Variants in HIPK3 observed in about 807,000 individuals in gnomAD.
HIPK3 encodes the protein homeodomain-interacting protein kinase 3.
In HIPK3, 47 loss-of-function variants were observed where a neutral mutation model predicts 124.2. That is an observed-to-expected ratio of 0.38 (90% CI 0.30 to 0.48). HIPK3 has a LOEUF of 0.48. Ranked by LOEUF, HIPK3 falls within the 20% of genes least tolerant of loss-of-function variation. HIPK3 has a pLI of 0.98. For synonymous variants in HIPK3, 482 were observed against 515.2 expected, an observed-to-expected ratio of 0.94 and a Z score of 0.87; for missense variants, 1,286 against 1,454.3, an observed-to-expected ratio of 0.88 and a Z score of 1.88.
chr11:33,266,701 G>T (rs1286084050), intron 1 of HIPK3, among the ~76,000 whole-genome samples: 1 of 152,064 alleles, frequency 6.6e-6, no homozygotes, highest in Non-Finnish European at 1.5e-5. Flanking sequence ...GACAGAGTGA[G>T]ACCTTATCTC....
rs767232425 is a variant in HIPK3 at position 33,286,687 on chromosome 11, T to C, written c.273T>C (p.Ala91=). The C allele has an allele frequency of 1.9e-6, 3 of 1,614,154 alleles. No individual in the cohort carries two copies. The highest frequency in any genetic ancestry group is 1.1e-5 in the South Asian group (1 of 91,086). ...TTGTTTTGAAAAACACTGCAGGTGCTACAAAGGTCATAGCAGCTCAGGCAC... is the reference window on the plus strand; with the variant it reads ...TTGTTTTGAAAAACACTGCAGGTGCCACAAAGGTCATAGCAGCTCAGGCAC... ...SAVVLKNTAG[A]TKVIAAQAQQ... Residue 91 remains alanine (A), a synonymous_variant, in exon 2 of 17, where the codon GCT becomes GCC. Coordinates refer to ENST00000303296, the MANE Select transcript of HIPK3 (RefSeq NM_005734.5).
intron 1 of HIPK3, among the ~76,000 whole-genome samples, chr11:33,260,229 G>A (rs1850786814): frequency 6.6e-6 from 1 of 152,158 alleles, no homozygotes; most frequent in Non-Finnish European, 1.5e-5. Flanking sequence ...GGTTGCTGTT[G>A]CAAGTATGGC....
intron 2 of HIPK3, among the ~76,000 whole-genome samples, chr11:33,319,312 T>C (rs925090854): frequency 3.3e-5 from 5 of 152,132 alleles, no homozygotes; most frequent in African/African-American, 1.2e-4. Context: ...CTGGCCAATA[T>C]TGTGAAACCC....
intron 2 of HIPK3, among the ~76,000 whole-genome samples, chr11:33,305,168 C>T (rs899184777): frequency 2.0e-5 from 3 of 151,968 alleles, no homozygotes; most frequent in African/African-American, 4.8e-5. Context: ...GCCTGACCAA[C>T]TTTTGTATTT....
intron 2 of HIPK3, among the ~76,000 whole-genome samples, chr11:33,317,708 T>C (rs1852547527): frequency 6.6e-6 from 1 of 152,230 alleles, no homozygotes; most frequent in South Asian, 2.1e-4. Flanking sequence ...CTATTTGCTG[T>C]GCTTGTACAA....
At chr11:33,270,392 T>A (rs1430177785) in intron 1 of HIPK3, among the ~76,000 whole-genome samples, 1 of 151,966 alleles carries the variant, frequency 6.6e-6, no homozygotes, top group East Asian at 1.9e-4. Context: ...CACTGCAACT[T>A]CCGCCTCCTG....
At position 33,315,461 on chromosome 11, in the gene HIPK3, G is replaced by C. The variant is rs139303231; in HGVS notation, c.1098-13049G>C. Among the ~76,000 whole-genome samples the C allele has an allele frequency of 9.1e-3, 1,389 of 152,274 alleles. 14 individuals carry two copies. Among genetic ancestry groups the C allele is most frequent in the Non-Finnish European group, 0.013 (913 of 68,026 alleles). Reference sequence around the variant, plus strand: ...AGGATGGTCTTGATCTCCTGACCTCGTGATCCACCTGCCTCGGCCTCCCAA... The same window carrying C: ...AGGATGGTCTTGATCTCCTGACCTCCTGATCCACCTGCCTCGGCCTCCCAA... On this transcript the variant is annotated intron_variant, in intron 2 of 16. Transcript: ENST00000303296.
Position 33,292,807 on chromosome 11 carries a change from C to T in HIPK3, c.1097+5296C>T, listed in dbSNP as rs1851734278. On this transcript the variant is annotated intron_variant, in intron 2 of 16. Transcript: ENST00000303296. Reference sequence around the variant, plus strand: ...CTGGAGTGCAGTGGCACAATCTCTGCTTACTGCAAGCTCCGCGTCCCGGGT... The same window carrying T: ...CTGGAGTGCAGTGGCACAATCTCTGTTTACTGCAAGCTCCGCGTCCCGGGT... 4.6e-5 allele frequency among the ~76,000 whole-genome samples: 7 copies of T among 152,314 alleles called. No individual in the cohort carries two copies. In the South Asian group the frequency reaches 1.5e-3, roughly 32 times the overall value.
intron 3 of HIPK3, among the ~76,000 whole-genome samples, chr11:33,332,946 C>T (rs540250270): frequency 6.6e-6 from 1 of 152,244 alleles, no homozygotes; most frequent in Non-Finnish European, 1.5e-5. Flanking sequence ...AGGCGTTTCA[C>T]ATGGTGAGAA....
chr11:33,307,012 C>A (rs1487598520), intron 2 of HIPK3, among the ~76,000 whole-genome samples: 2 of 149,906 alleles, frequency 1.3e-5, no homozygotes, highest in Admixed American at 6.7e-5. Context: ...GAACTCAGCT[C>A]GCTGCAACCT....
At chr11:33,302,912 A>T (rs1852047967) in intron 2 of HIPK3, among the ~76,000 whole-genome samples, 1 of 152,208 alleles carries the variant, frequency 6.6e-6, no homozygotes, top group African/African-American at 2.4e-5. Context: ...CATAGATGTT[A>T]AAGAATACTA....
rs572898671 is a variant in HIPK3 at position 33,285,580 on chromosome 11, T to A, written c.-2-833T>A. 4.4e-3 allele frequency among the ~76,000 whole-genome samples: 207 copies of A among 46,578 alleles called. 1 individual carries two copies. The highest frequency in any genetic ancestry group is 6.0e-3 in the Non-Finnish European group (119 of 19,890). The allele number at this position is 46,578 out of a possible 152,430, so 30.6% of individuals were successfully genotyped here. A position where few individuals can be genotyped will look rare whatever the true frequency, so the allele number is the denominator to read the frequency against. Reference sequence around the variant, plus strand: ...GAAACTCTGTCTCAAAAAAAAAAAATATATATATATATATATAGTTAAAGC... The same window carrying A: ...GAAACTCTGTCTCAAAAAAAAAAAAAATATATATATATATATAGTTAAAGC... On this transcript the variant is annotated intron_variant, in intron 1 of 16. Coordinates refer to ENST00000303296, the MANE Select transcript of HIPK3 (RefSeq NM_005734.5).
intron 1 of HIPK3, among the ~76,000 whole-genome samples, chr11:33,274,488 T>A (rs368575937): frequency 6.6e-6 from 1 of 152,180 alleles, no homozygotes; most frequent in African/African-American, 2.4e-5. Context: ...TTGGTAGATA[T>A]TGGGCGTTGT....
At chr11:33,258,538 AGGCGTGGCGGCCGCGC>A in intron 1 of HIPK3, 2 of 985,426 alleles carry the variant, frequency 2.0e-6, no homozygotes, top group Non-Finnish European at 2.4e-6. Context: ...GGCGGGAGGA[AGGCGTGGCGGCCGCGC>A]GGCGGGGCTG....
intron 2 of HIPK3, among the ~76,000 whole-genome samples, chr11:33,295,277 G>GCCCCCCCCCCCCCCCC (rs34093915): frequency 9.4e-6 from 1 of 106,632 alleles, no homozygotes. Context: ...AGCCACCACC[G>GCCCCCCCCCCCCCCCC]CCCCCCCCCC....
intron 1 of HIPK3, among the ~76,000 whole-genome samples, chr11:33,284,596 T>C (rs1332003499): frequency 1.3e-5 from 2 of 152,202 alleles, no homozygotes; most frequent in African/African-American, 4.8e-5. Flanking sequence ...AGTTGGAGGC[T>C]GCAGTGAGCT....
intron 2 of HIPK3, among the ~76,000 whole-genome samples, chr11:33,308,897 C>A (rs1038593821): frequency 6.6e-6 from 1 of 151,472 alleles, no homozygotes; most frequent in South Asian, 2.1e-4. Flanking sequence ...CTGTTTCAAT[C>A]TGTGTATTTT....
At chr11:33,278,167 T>G (rs979707547) in intron 1 of HIPK3, among the ~76,000 whole-genome samples, 5 of 152,210 alleles carry the variant, frequency 3.3e-5, no homozygotes, top group Admixed American at 1.3e-4. Context: ...TTGTTAAAAA[T>G]ATAACTAATT....
rs139168123 is a variant in HIPK3 at position 33,348,713 on chromosome 11, G to A, written c.2561G>A (p.Arg854Gln). Residue 854 changes from arginine to glutamine, a missense_variant, in exon 13 of 17, where the codon CGG becomes CAG. Around this residue, in one of 3 missense-constraint regions of HIPK3, gnomAD observed 810 missense variants for 864.9 expected, o/e 0.94. Coordinates refer to ENST00000303296, the MANE Select transcript of HIPK3 (RefSeq NM_005734.5). ...GATTCATCAGTTTCAGACAAACAGCGGCAAACCATCATTATTGCCGACTCC... is the reference window on the plus strand; with the variant it reads ...GATTCATCAGTTTCAGACAAACAGCAGCAAACCATCATTATTGCCGACTCC... Reference protein sequence around the residue: ...DSDSSVSDKQRQTIIIADSPS... With the variant: ...DSDSSVSDKQQQTIIIADSPS... The A allele has an allele frequency of 7.6e-5, 123 of 1,614,020 alleles. No individual in the cohort carries two copies. The highest frequency in any genetic ancestry group is 7.5e-4 in the African/African-American group (56 of 74,924).
Sources: allele counts gnomAD v4.1 joint callset (sites outside exome capture counted in the v4.1 genomes callset), GRCh38; gene constraint gnomAD v4.1.1; regional missense constraint gnomAD v4.1.1; transcripts MANE v1.5; gene names NCBI Gene and HGNC (gene_info 2026-07-23, HGNC 2026-07-21).